The following SLC16A1 variants were observed in gnomAD, a reference collection of about 807,000 sequenced individuals.
SLC16A1 encodes monocarboxylate transporter 1.
In SLC16A1, 11 loss-of-function variants were observed where a neutral mutation model predicts 32.2. That is an observed-to-expected ratio of 0.34 (90% CI 0.21 to 0.56). The LOEUF is 0.56. SLC16A1 is among the 20% of genes least tolerant of loss of function. SLC16A1 has a pLI of 0.87. For synonymous variants in SLC16A1, 231 were observed against 226.8 expected, an observed-to-expected ratio of 1.02 and a Z score of -0.17; for missense variants, 435 against 615.0, an observed-to-expected ratio of 0.71 and a Z score of 3.10.
At chr1:112,932,710 C>T (rs556306748) in intron 1 of SLC16A1, among the ~76,000 whole-genome samples, 2 of 141,422 alleles carry the variant, frequency 1.4e-5, no homozygotes, top group South Asian at 2.4e-4. Context: ...AGGAGAATCG[C>T]TTGAACCCAG....
At chr1:112,937,535 GA>G (rs950350144) in intron 1 of SLC16A1, among the ~76,000 whole-genome samples, 10 of 147,578 alleles carry the variant, frequency 6.8e-5, no homozygotes, top group South Asian at 4.3e-4. Context: ...GTACATAACT[GA>G]AAAAAAAAAG....
chr1:112,924,308 A>G, intron 2 of SLC16A1: 1 of 1,398,178 alleles, frequency 7.2e-7, no homozygotes. Context: ...AAGCCTGGCA[A>G]TTGGTTGCTC....
intron 2 of SLC16A1, among the ~76,000 whole-genome samples, chr1:112,928,679 T>A (rs1158663880): frequency 6.6e-6 from 1 of 152,188 alleles, no homozygotes; most frequent in Non-Finnish European, 1.5e-5. Flanking sequence ...TACCTGAGAA[T>A]CTGAACCATG....
At chr1:112,922,464 G>C (rs1648770226) in intron 2 of SLC16A1, 2 of 357,642 alleles carry the variant, frequency 5.6e-6, no homozygotes, top group Non-Finnish European at 1.1e-5. Context: ...GATGTATCTA[G>C]GATACGATTA....
At chr1:112,949,242 T>C (rs562283046) in intron 1 of SLC16A1, among the ~76,000 whole-genome samples, 106 of 152,214 alleles carry the variant, frequency 7.0e-4, no homozygotes, top group Non-Finnish European at 1.4e-3. Flanking sequence ...AAAGACAGGG[T>C]TTCTCCATGT....
At chr1:112,934,384 G>A (rs1424388139) in intron 1 of SLC16A1, among the ~76,000 whole-genome samples, 1 of 152,196 alleles carries the variant, frequency 6.6e-6, no homozygotes, top group Non-Finnish European at 1.5e-5. Flanking sequence ...ACAGATCAGT[G>A]GCTACCAGGG....
At chr1:112,931,713 G>A (rs1299484595) in intron 1 of SLC16A1, among the ~76,000 whole-genome samples, 2 of 149,016 alleles carry the variant, frequency 1.3e-5, no homozygotes, top group African/African-American at 4.9e-5. Context: ...AATTCACTTA[G>A]TACTAATGAA....
intron 3 of SLC16A1, among the ~76,000 whole-genome samples, chr1:112,919,144 G>C (rs1024696472): frequency 2.0e-5 from 3 of 151,628 alleles, no homozygotes; most frequent in African/African-American, 7.3e-5. Flanking sequence ...CATTCTCCTG[G>C]CTCAGCCTCC....
At chr1:112,923,588 A>G (rs904088495) in intron 2 of SLC16A1, 35 of 1,364,988 alleles carry the variant, frequency 2.6e-5, no homozygotes, top group Non-Finnish European at 3.4e-5. Flanking sequence ...AGGCCAATCC[A>G]TTGTTTGGGA....
intron 2 of SLC16A1, chr1:112,923,771 C>G: frequency 6.6e-7 from 1 of 1,504,542 alleles, no homozygotes; most frequent in South Asian, 1.1e-5. Flanking sequence ...TGGATCTTGG[C>G]CTCTCCAACT....
chr1:112,913,923 C>T lies in SLC16A1; in HGVS notation c.1471G>A (p.Gly491Arg). Residue 491 changes from glycine to arginine, a missense_variant, in exon 5 of 5, where the codon GGA becomes AGA. Physicochemically the swap from Gly to Arg is moderately radical, Grantham distance 125. Around this residue, in one of 2 missense-constraint regions of SLC16A1, gnomAD observed 111 missense variants for 114.7 expected, o/e 0.97. Coordinates refer to ENST00000369626, the MANE Select transcript of SLC16A1 (RefSeq NM_003051.4). ...GGACTTTCCTCCTCCTTGGGCCCTC[C>T]ATCTGTGTCTTTCTGGTCCGGAGAT... ...AESPDQKDTD[G>R]GPKEEESPV 1 of 1,614,126 alleles carries T rather than the reference C, an allele frequency of 6.2e-7. No homozygotes were observed. The highest frequency in any genetic ancestry group is 8.5e-7 in the Non-Finnish European group (1 of 1,179,980).
chr1:112,915,648 C>T (rs1648477423), intron 4 of SLC16A1, among the ~76,000 whole-genome samples: 2 of 152,098 alleles, frequency 1.3e-5, no homozygotes, highest in Admixed American at 1.3e-4. Context: ...CAGTTAGGAG[C>T]AGCCCAAACA....
intron 1 of SLC16A1, among the ~76,000 whole-genome samples, chr1:112,941,015 T>C (rs972538454): frequency 2.0e-5 from 3 of 151,990 alleles, no homozygotes; most frequent in Admixed American, 6.6e-5. Flanking sequence ...ATGGGAACAA[T>C]AGACACTGGG....
chr1:112,947,700 T>C (rs960046613), intron 1 of SLC16A1, among the ~76,000 whole-genome samples: 1 of 152,218 alleles, frequency 6.6e-6, no homozygotes, highest in Non-Finnish European at 1.5e-5. Flanking sequence ...TTCTAATAAC[T>C]GCTTGTATAT....
chr1:112,933,441 G>GC lies in SLC16A1; in HGVS notation c.-44-4090dup, dbSNP rs1649203488. ...ACTGCACTCCAGCATGGCCGACACA[G>GC]CGAGACTGCGTCTCAAAAAAAAAAA... On this transcript the variant is annotated intron_variant, in intron 1 of 4. Coordinates refer to ENST00000369626, the MANE Select transcript of SLC16A1 (RefSeq NM_003051.4). Among the ~76,000 whole-genome samples, 3 of 144,644 alleles carry GC rather than the reference G, an allele frequency of 2.1e-5. No individual in the cohort carries two copies. In the South Asian group the frequency reaches 6.6e-4, roughly 32 times the overall value. 94.9% of individuals were successfully genotyped at this position (144,644 alleles called of 152,430 possible). A position where few individuals can be genotyped will look rare whatever the true frequency, so the allele number is the denominator to read the frequency against.
intron 1 of SLC16A1, among the ~76,000 whole-genome samples, chr1:112,938,192 C>A (rs1281341626): frequency 1.3e-5 from 2 of 152,132 alleles, no homozygotes; most frequent in African/African-American, 4.8e-5. Flanking sequence ...AAACCAATAA[C>A]CTTAAAATAA....
chr1:112,929,806 C>T lies in SLC16A1; in HGVS notation c.-44-454G>A, dbSNP rs144084944. Among the ~76,000 whole-genome samples the T allele has an allele frequency of 2.4e-3, 365 of 152,254 alleles. 1 individual carries two copies. The highest frequency in any genetic ancestry group is 8.5e-3 in the African/African-American group (353 of 41,554). On this transcript the variant is annotated intron_variant, in intron 1 of 4. Coordinates refer to ENST00000369626, the MANE Select transcript of SLC16A1 (RefSeq NM_003051.4). ...TGGCTGCAGGGAGCTGTGATTGCACCACTGCACTGCAGCCTGGGTGAAAGA... is the reference window on the plus strand; with the variant it reads ...TGGCTGCAGGGAGCTGTGATTGCACTACTGCACTGCAGCCTGGGTGAAAGA...
chr1:112,913,755 C>A lies in SLC16A1; in HGVS notation c.*136G>T. The A allele has an allele frequency of 9.1e-7, 1 of 1,101,290 alleles. No individual in the cohort carries two copies. The highest frequency in any genetic ancestry group is 1.8e-5 in the Admixed American group (1 of 55,846). The allele number at this position is 1,101,290 out of a possible 1,614,324, so 68.2% of individuals were successfully genotyped here. ...GTAAGGAGTCAAACAAAAATCCCAT[C>A]AATGAACAACTGGTATGATTTCCAC... On this transcript the variant is annotated 3_prime_UTR_variant, in exon 5 of 5. Transcript: ENST00000369626.
At chr1:112,926,968 T>C (rs1375997166) in intron 2 of SLC16A1, among the ~76,000 whole-genome samples, 2 of 150,068 alleles carry the variant, frequency 1.3e-5, no homozygotes, top group African/African-American at 2.4e-5. Flanking sequence ...CATCTCTACT[T>C]AACAAAAATA....
Sources: gnomAD v4.1 joint callset for allele counts (sites outside exome capture counted in the v4.1 genomes callset) on GRCh38, gnomAD v4.1.1 for gene constraint, gnomAD v4.1.1 regional missense constraint, MANE v1.5 for transcripts, NCBI Gene and HGNC (gene_info 2026-07-23, HGNC 2026-07-21) for gene names.